Variants in SEMA3A observed in about 807,000 individuals in gnomAD.
SEMA3A encodes semaphorin-3A.
Under a neutral mutation model 97.9 loss-of-function variants are expected in SEMA3A, and 29 were observed. That is an observed-to-expected ratio of 0.30 (90% CI 0.22 to 0.40). The LOEUF is 0.40. SEMA3A is among the 10% of genes least tolerant of loss of function. The pLI is 1.00. For synonymous variants in SEMA3A, 321 were observed against 323.7 expected (o/e 0.99, Z 0.09); for missense variants, 763 against 951.3 (o/e 0.80, Z 2.60).
chr7:84,417,330 T>A (rs1163425133), intron 1 of SEMA3A, among the ~76,000 whole-genome samples: 1 of 152,116 alleles, frequency 6.6e-6, no homozygotes, highest in Non-Finnish European at 1.5e-5. Flanking sequence ...AGCATTTAAA[T>A]CAATATATAG....
chr7:84,242,386 T>C (rs1256441493), intron 3 of SEMA3A, among the ~76,000 whole-genome samples: 2 of 152,190 alleles, frequency 1.3e-5, no homozygotes, highest in Admixed American at 1.3e-4. Context: ...ATTATCTTTG[T>C]AGCAATTGTG....
intron 6 of SEMA3A, among the ~76,000 whole-genome samples, chr7:84,020,675 C>G (rs1254028948): frequency 2.0e-5 from 3 of 152,120 alleles, no homozygotes; most frequent in South Asian, 2.1e-4. Context: ...AACTTTCCAT[C>G]TCTTGCAGGA....
At chr7:84,173,320 C>G (rs2116211767) in intron 1 of SEMA3A, among the ~76,000 whole-genome samples, 1 of 152,020 alleles carries the variant, frequency 6.6e-6, no homozygotes, top group African/African-American at 2.4e-5. Context: ...CTTTGGGAGG[C>G]CGAGGCGGGT....
rs10272383 is a variant in SEMA3A at position 84,225,719 on chromosome 7, A to G, written c.-82-31051T>C. On this transcript the variant is annotated intron_variant, in intron 3 of 3. Transcript: ENST00000424555. ...GGCAACACAAAGACACTCACACAGT[A>G]TGTGCTCTACCTTGTGGAGAAGCAT... Among the ~76,000 whole-genome samples the G allele has an allele frequency of 8.1e-4, 123 of 152,230 alleles. 1 individual carries two copies. The highest frequency in any genetic ancestry group is 2.7e-3 in the African/African-American group (114 of 41,544).
At chr7:84,376,907 A>T (rs1414553965) in intron 1 of SEMA3A, among the ~76,000 whole-genome samples, 1 of 152,054 alleles carries the variant, frequency 6.6e-6, no homozygotes, top group Non-Finnish European at 1.5e-5. Context: ...AGATTTTTGT[A>T]TATTATGGGT....
At chr7:84,343,370 C>G (rs1802218886) in intron 2 of SEMA3A, among the ~76,000 whole-genome samples, 1 of 152,122 alleles carries the variant, frequency 6.6e-6, no homozygotes, top group Admixed American at 6.5e-5. Flanking sequence ...TAATCCAATA[C>G]AATTTTTAGA....
intron 3 of SEMA3A, among the ~76,000 whole-genome samples, chr7:84,234,729 C>T (rs976628510): frequency 6.6e-6 from 1 of 151,996 alleles, no homozygotes; most frequent in Non-Finnish European, 1.5e-5. Flanking sequence ...CAGGCTTATT[C>T]CTTTTACATT....
intron 14 of SEMA3A, among the ~76,000 whole-genome samples, chr7:83,978,112 G>T (rs1236607983): frequency 6.6e-6 from 1 of 151,858 alleles, no homozygotes; most frequent in East Asian, 1.9e-4. Flanking sequence ...ATATCAACCT[G>T]TTCTTTTTTA....
intron 1 of SEMA3A, among the ~76,000 whole-genome samples, chr7:84,378,614 G>A (rs1312148132): frequency 1.3e-5 from 2 of 152,030 alleles, no homozygotes; most frequent in African/African-American, 4.8e-5. Context: ...TGTAGATGAT[G>A]GGCTGATGGG....
At chr7:84,023,936 C>T (rs1042263459) in intron 6 of SEMA3A, among the ~76,000 whole-genome samples, 6 of 149,732 alleles carry the variant, frequency 4.0e-5, no homozygotes, top group Non-Finnish European at 7.4e-5. Flanking sequence ...AGCGTGAACC[C>T]GGGAGGCGGA....
intron 2 of SEMA3A, among the ~76,000 whole-genome samples, chr7:84,132,707 G>A (rs1368631000): frequency 6.1e-5 from 7 of 114,100 alleles, no homozygotes; most frequent in African/African-American, 1.4e-4. Flanking sequence ...ACGGAGTCTC[G>A]CTCTGTCACC....
At chr7:84,379,387 C>T (rs1461096500) in intron 1 of SEMA3A, among the ~76,000 whole-genome samples, 3 of 151,984 alleles carry the variant, frequency 2.0e-5, no homozygotes, top group Non-Finnish European at 4.4e-5. Context: ...CACATATATA[C>T]AAGATGAAGT....
intron 12 of SEMA3A, 79 bp downstream of exon 12, chr7:84,001,876 A>G: frequency 1.1e-6 from 1 of 932,856 alleles, no homozygotes; most frequent in Non-Finnish European, 1.7e-6. Context: ...ACTTGTCCAT[A>G]CCAAGTTCAG....
At chr7:84,300,889 G>A (rs550240349) in intron 3 of SEMA3A, among the ~76,000 whole-genome samples, 1 of 152,200 alleles carries the variant, frequency 6.6e-6, no homozygotes, top group South Asian at 2.1e-4. Flanking sequence ...CACAATGTGA[G>A]TGGACCAGTC....
chr7:84,278,977 T>A (rs995540864), intron 3 of SEMA3A, among the ~76,000 whole-genome samples: 34 of 152,136 alleles, frequency 2.2e-4, no homozygotes, highest in African/African-American at 8.2e-4. Flanking sequence ...ATTATTATAA[T>A]ACTCTAAATA....
rs750183210 is a variant in SEMA3A, at chr7:84,264,227, CT to C, written c.-83+42979del. 3.9e-5 allele frequency among the ~76,000 whole-genome samples: 6 copies of C among 152,112 alleles called. No homozygotes were observed. In the South Asian group the frequency reaches 8.3e-4, roughly 21 times the overall value. On this transcript the variant is annotated intron_variant, in intron 3 of 3. Coordinates refer to the SEMA3A transcript ENST00000424555. ...CTCAGCTATTTGCATAGATGGAATA[CT>C]TTAGAAAATTTAACCCGATGATTCC...
intron 1 of SEMA3A, among the ~76,000 whole-genome samples, chr7:84,469,433 G>A (rs1309126335): frequency 6.6e-6 from 1 of 152,128 alleles, no homozygotes; most frequent in Non-Finnish European, 1.5e-5. Flanking sequence ...TGTAGCTTAA[G>A]GTATAGTGTA....
chr7:84,120,919 T>G (rs1395969426), intron 3 of SEMA3A, among the ~76,000 whole-genome samples: 1 of 152,176 alleles, frequency 6.6e-6, no homozygotes, highest in East Asian at 1.9e-4. Flanking sequence ...CTTGTGCTAT[T>G]TCCACTGGGC....
At chr7:84,407,737 C>T (rs529863478) in intron 1 of SEMA3A, among the ~76,000 whole-genome samples, 31 of 152,094 alleles carry the variant, frequency 2.0e-4, no homozygotes, top group Non-Finnish European at 3.8e-4. Flanking sequence ...AGAAATAATG[C>T]CACATATCTA....
Sources: allele counts gnomAD v4.1 joint callset (sites outside exome capture counted in the v4.1 genomes callset), GRCh38; gene constraint gnomAD v4.1.1; transcripts MANE v1.5; gene names NCBI Gene and HGNC (gene_info 2026-07-23, HGNC 2026-07-21).